NAALADL2: variants seen among roughly 807,000 people sequenced by gnomAD.
The protein encoded by NAALADL2 is N-acetylated alpha-linked acidic dipeptidase like 2.
Under a neutral mutation model 87.2 loss-of-function variants are expected in NAALADL2, and 76 were observed. The ratio of observed to expected loss-of-function variants is 0.87; its 90% confidence interval spans 0.72 to 1.05. The LOEUF (loss-of-function observed/expected upper bound fraction) is 1.05. Ranked by LOEUF, NAALADL2 falls within the 50% of genes least tolerant of loss-of-function variation. NAALADL2 has a pLI of 0.00. For synonymous variants in NAALADL2, 354 were observed against 331.0 expected, an observed-to-expected ratio of 1.07 and a Z score of -0.75; for missense variants, 1,089 against 945.8, an observed-to-expected ratio of 1.15 and a Z score of -1.99.
At chr3:175,049,615 A>G (rs1408242788) in intron 1 of NAALADL2, among the ~76,000 whole-genome samples, 2 of 152,186 alleles carry the variant, frequency 1.3e-5, no homozygotes, top group Non-Finnish European at 2.9e-5. Context: ...GGTTTTGTCC[A>G]CATTCCAGGT....
intron 2 of NAALADL2, among the ~76,000 whole-genome samples, chr3:175,186,902 A>AAAT (rs138724967): frequency 9.2e-5 from 14 of 152,038 alleles, no homozygotes; most frequent in Admixed American, 2.6e-4. Context: ...GCAATAGGGA[A>AAAT]AATAATAATA....
At chr3:175,768,409 A>G (rs1749030575) in intron 13 of NAALADL2, among the ~76,000 whole-genome samples, 1 of 151,928 alleles carries the variant, frequency 6.6e-6, no homozygotes, top group African/African-American at 2.4e-5. Flanking sequence ...TGTTTTCCCC[A>G]TTGTGTTGGT....
chr3:174,637,485 T>A (rs2108718342), intron 2 of NAALADL2, among the ~76,000 whole-genome samples: 1 of 151,888 alleles, frequency 6.6e-6, no homozygotes, highest in African/African-American at 2.4e-5. Context: ...AAATTAAAAA[T>A]AAAAACTGCC....
chr3:175,119,694 T>TATAGATATAGATATAGAC (rs1282242028), intron 2 of NAALADL2, among the ~76,000 whole-genome samples: 1 of 147,612 alleles, frequency 6.8e-6, no homozygotes, highest in African/African-American at 2.5e-5. Flanking sequence ...GGTGTGTATA[T>TATAGATATAGATATAGAC]ATAGATATAG....
chr3:175,261,708 C>T (rs1751075775), intron 4 of NAALADL2, among the ~76,000 whole-genome samples: 1 of 151,918 alleles, frequency 6.6e-6, no homozygotes. Context: ...TTTAAAGGGC[C>T]AGACATCCAA....
At chr3:175,687,590 G>GT (rs1255235657) in intron 11 of NAALADL2, among the ~76,000 whole-genome samples, 1 of 152,122 alleles carries the variant, frequency 6.6e-6, no homozygotes, top group East Asian at 1.9e-4. Flanking sequence ...CCCAGAGTCT[G>GT]TACTCTTTCC....
At chr3:175,570,017 C>T (rs560409669) in intron 9 of NAALADL2, among the ~76,000 whole-genome samples, 33 of 152,068 alleles carry the variant, frequency 2.2e-4, no homozygotes, top group South Asian at 6.2e-4. Flanking sequence ...TGGAAAGATA[C>T]AGAGCTAAGA....
chr3:175,537,852 G>A (rs776019672), intron 9 of NAALADL2, among the ~76,000 whole-genome samples: 7 of 152,088 alleles, frequency 4.6e-5, no homozygotes, highest in Non-Finnish European at 1.0e-4. Flanking sequence ...AAATGCTAGT[G>A]GTAAAGTTAA....
At chr3:174,672,207 C>T (rs1188767685) in intron 2 of NAALADL2, among the ~76,000 whole-genome samples, 1 of 152,014 alleles carries the variant, frequency 6.6e-6, no homozygotes, top group East Asian at 1.9e-4. Flanking sequence ...GGGACAATAG[C>T]TAAACTTTGG....
chr3:175,597,236 CTT>C (rs1034673786), intron 10 of NAALADL2, among the ~76,000 whole-genome samples: 2 of 151,962 alleles, frequency 1.3e-5, no homozygotes, highest in African/African-American at 2.4e-5. Flanking sequence ...CATTTTTCCT[CTT>C]GTTTGGGATT....
chr3:175,076,322 CTTT>C (rs57449665), intron 1 of NAALADL2, among the ~76,000 whole-genome samples: 13 of 127,476 alleles, frequency 1.0e-4, no homozygotes, highest in African/African-American at 2.5e-4. Context: ...GTATTTCATG[CTTT>C]TTTTTTTTTT....
At chr3:174,611,559 A>G (rs471474) in intron 2 of NAALADL2, among the ~76,000 whole-genome samples, 100,132 of 151,948 alleles carry the variant, frequency 0.66, 34,239 homozygotes, top group East Asian at 0.86. Context: ...ACTATTGCCC[A>G]TGAGTTTTGT....
At chr3:175,657,470 C>T (rs927799381) in intron 11 of NAALADL2, among the ~76,000 whole-genome samples, 7 of 151,662 alleles carry the variant, frequency 4.6e-5, no homozygotes, top group African/African-American at 1.7e-4. Context: ...AATAAAATGT[C>T]AGGATTTCAT....
rs1732914363 is a variant in NAALADL2 at position 174,733,637 on chromosome 3, G to A, written c.-114-4004G>A. Among the ~76,000 whole-genome samples the A allele has an allele frequency of 1.3e-5, 2 of 152,238 alleles. 1 individual carries two copies. The highest frequency in any genetic ancestry group is 4.8e-5 in the African/African-American group (2 of 41,536). On this transcript the variant is annotated intron_variant, in intron 2 of 3. Transcript: ENST00000434257. The stretch of plus-strand genomic sequence containing the variant: ...CTCTTTCTGTTACCGAAACACCAGG[G>A]GTTCAGTTTGGGTCCTGCTGCTTGC...
intron 5 of NAALADL2, among the ~76,000 whole-genome samples, chr3:175,341,078 G>A (rs954037720): frequency 1.3e-5 from 2 of 151,638 alleles, no homozygotes; most frequent in African/African-American, 2.4e-5. Context: ...CGTATTCACA[G>A]AGTTCTGCAA....
intron 2 of NAALADL2, among the ~76,000 whole-genome samples, chr3:175,181,343 A>T (rs576786674): frequency 2.6e-5 from 4 of 152,106 alleles, no homozygotes; most frequent in Non-Finnish European, 5.9e-5. Flanking sequence ...GTTATGATAC[A>T]TGGATACATG....
rs140787336 is a variant in NAALADL2, at chr3:175,422,360, C to T, written c.1091-24869C>T. Among the ~76,000 whole-genome samples, 5 of 152,184 alleles carry T rather than the reference C, an allele frequency of 3.3e-5. No individual in the cohort carries two copies. In the East Asian group the frequency reaches 9.7e-4, roughly 29 times the overall value. ...TTGAGGACCAAACCTTAAACTTGTTCATGTCCCAGAAATGCATGAAATAGA... is the reference window on the plus strand; with the variant it reads ...TTGAGGACCAAACCTTAAACTTGTTTATGTCCCAGAAATGCATGAAATAGA... On this transcript the variant is annotated intron_variant, in intron 5 of 13. Transcript: ENST00000454872.
intron 5 of NAALADL2, among the ~76,000 whole-genome samples, chr3:175,391,518 G>A (rs1233514574): frequency 6.6e-6 from 1 of 152,142 alleles, no homozygotes; most frequent in Non-Finnish European, 1.5e-5. Context: ...ACACCCAGTG[G>A]GGGAAGTAAG....
intron 2 of NAALADL2, among the ~76,000 whole-genome samples, chr3:175,215,356 CAT>C (rs1354790991): frequency 6.6e-6 from 1 of 152,170 alleles, no homozygotes; most frequent in Non-Finnish European, 1.5e-5. Flanking sequence ...GCACTTGAAT[CAT>C]ACCCTTGTCT....
Sources: allele counts gnomAD v4.1 joint callset (sites outside exome capture counted in the v4.1 genomes callset), GRCh38; gene constraint gnomAD v4.1.1; transcripts MANE v1.5; gene names NCBI Gene and HGNC (gene_info 2026-07-23, HGNC 2026-07-21).